The following NMT2 variants were observed in gnomAD, a reference collection of about 807,000 sequenced individuals.
The protein encoded by NMT2 is N-myristoyltransferase 2.
In NMT2, 35 loss-of-function variants were observed where a neutral mutation model predicts 65.4. That is an observed-to-expected ratio of 0.54 (90% CI 0.41 to 0.71). The LOEUF is 0.71. NMT2 is among the 30% of genes least tolerant of loss of function. The pLI is 0.00. For synonymous variants in NMT2, 226 were observed against 231.8 expected (o/e 0.98, Z 0.23); for missense variants, 489 against 611.3 (o/e 0.80, Z 2.11).
At position 15,106,524 on chromosome 10, in the gene NMT2, C is replaced by G. The variant is rs1845308158; in HGVS notation, c.*2671G>C. ...AATTAGGGTGGAACCATCTGAAATT[C>G]CAAGTCTTCCATTATCTCCAAGAGA... On this transcript the variant is annotated 3_prime_UTR_variant, in exon 12 of 12. Transcript: ENST00000378165. 4.8e-6 allele frequency: 2 copies of G among 415,704 alleles called. No homozygotes were observed. The highest frequency in any genetic ancestry group is 1.3e-4 in the Admixed American group (2 of 15,600). The allele number at this position is 415,704 out of a possible 1,614,324, so 25.8% of individuals were successfully genotyped here.
At chr10:15,153,875 G>A (rs1029383529) in intron 1 of NMT2, among the ~76,000 whole-genome samples, 1 of 151,938 alleles carries the variant, frequency 6.6e-6, no homozygotes, top group African/African-American at 2.4e-5. Context: ...GGATGGTCTC[G>A]ATCTCCTGAT....
chr10:15,112,202 A>ATATATATATT (rs1564557387), intron 10 of NMT2, among the ~76,000 whole-genome samples: 13 of 16,490 alleles, frequency 7.9e-4, no homozygotes, highest in African/African-American at 2.8e-4. Flanking sequence ...ATATATATAT[A>ATATATATATT]TATATATATA....
intron 1 of NMT2, among the ~76,000 whole-genome samples, chr10:15,143,588 G>A (rs1305992395): frequency 1.3e-5 from 2 of 152,206 alleles, no homozygotes; most frequent in African/African-American, 4.8e-5. Context: ...CAGGCATGGT[G>A]GCTCACGCCT....
chr10:15,135,252 A>G, intron 3 of NMT2, 22 bp downstream of exon 3: 1 of 1,612,758 alleles, frequency 6.2e-7, no homozygotes, highest in South Asian at 1.1e-5. Context: ...GGGGAAAAAA[A>G]GAGAAAAGCA....
chr10:15,146,375 T>C (rs1846965136), intron 1 of NMT2, among the ~76,000 whole-genome samples: 1 of 152,242 alleles, frequency 6.6e-6, no homozygotes, highest in African/African-American at 2.4e-5. Context: ...GTAAACGCTT[T>C]ACAGGTGGTC....
intron 3 of NMT2, 24 bp from the exon 4 acceptor site, chr10:15,133,387 A>C (rs1416627046): frequency 6.5e-7 from 1 of 1,536,618 alleles, no homozygotes. Context: ...GAAAGAGAAA[A>C]AAGAAAGGCA....
At chr10:15,129,442 C>G (rs1048386658) in intron 7 of NMT2, among the ~76,000 whole-genome samples, 1 of 152,082 alleles carries the variant, frequency 6.6e-6, no homozygotes, top group East Asian at 1.9e-4. Context: ...CTAGTGCAGA[C>G]GAAGTTGTAA....
intron 2 of NMT2, 190 bp downstream of exon 2, chr10:15,141,232 T>C (rs1249553594): frequency 1.1e-5 from 9 of 808,644 alleles, no homozygotes; most frequent in Non-Finnish European, 1.7e-5. Flanking sequence ...AAAAGCACAG[T>C]GTACCCCTTC....
chr10:15,115,456 C>T (rs1429106135), intron 9 of NMT2, among the ~76,000 whole-genome samples: 1 of 152,026 alleles, frequency 6.6e-6, no homozygotes, highest in Non-Finnish European at 1.5e-5. Context: ...TACAAATACA[C>T]CCAAAGGTAC....
rs1490780608 is a variant in NMT2 at position 15,108,163 on chromosome 10, A to G, written c.*1032T>C. The G allele has an allele frequency of 3.3e-5, 32 of 982,982 alleles. No homozygotes were observed. Among genetic ancestry groups the G allele is most frequent in the Non-Finnish European group, 3.9e-5 (32 of 829,396 alleles). The allele number at this position is 982,982 out of a possible 1,614,324, so 60.9% of individuals were successfully genotyped here. A position where few individuals can be genotyped will look rare whatever the true frequency, so the allele number is the denominator to read the frequency against. On this transcript the variant is annotated 3_prime_UTR_variant, in exon 12 of 12. Transcript: ENST00000378165. ...ACTTTGCACAACAGCAGAAAAGTCTAGTTAGTCGCGGGTACAGGCTCTTTC... is the reference window on the plus strand; with the variant it reads ...ACTTTGCACAACAGCAGAAAAGTCTGGTTAGTCGCGGGTACAGGCTCTTTC...
At chr10:15,113,088 C>G in intron 9 of NMT2, 125 bp from the exon 10 acceptor site, 1 of 1,052,246 alleles carries the variant, frequency 9.5e-7, no homozygotes, top group Non-Finnish European at 1.4e-6. Context: ...TCTTTCTCGG[C>G]AGTCCAATTT....
intron 1 of NMT2, among the ~76,000 whole-genome samples, chr10:15,146,178 C>T (rs1846957415): frequency 1.3e-5 from 2 of 152,138 alleles, no homozygotes; most frequent in Admixed American, 1.3e-4. Context: ...TCTGAAAGCC[C>T]GCACACTTCA....
rs1845399429 is a variant in NMT2 at position 15,108,631 on chromosome 10, A to G, written c.*564T>C. The G allele has an allele frequency of 1.0e-6, 1 of 987,684 alleles. No homozygotes were observed. The highest frequency in any genetic ancestry group is 4.7e-5 in the South Asian group (1 of 21,444). The allele number at this position is 987,684 out of a possible 1,614,324, so 61.2% of individuals were successfully genotyped here. ...TGGAGAAATACATGTACTAGTCACCAGTACATTTTAATATTGCTCTGCACT... is the reference window on the plus strand; with the variant it reads ...TGGAGAAATACATGTACTAGTCACCGGTACATTTTAATATTGCTCTGCACT... On this transcript the variant is annotated 3_prime_UTR_variant, in exon 12 of 12. Transcript: ENST00000378165.
At chr10:15,142,615 T>C (rs1421465189) in intron 1 of NMT2, among the ~76,000 whole-genome samples, 2 of 152,190 alleles carry the variant, frequency 1.3e-5, no homozygotes, top group African/African-American at 4.8e-5. Flanking sequence ...AATTCTAAAA[T>C]AGAAAACAGT....
chr10:15,150,971 A>G (rs1026844173), intron 1 of NMT2, among the ~76,000 whole-genome samples: 1 of 151,750 alleles, frequency 6.6e-6, no homozygotes, highest in South Asian at 2.1e-4. Context: ...CTCTTCTTAC[A>G]TATTGGGTTG....
intron 8 of NMT2, among the ~76,000 whole-genome samples, chr10:15,119,965 G>T (rs74125509): frequency 1.3e-5 from 2 of 152,134 alleles, no homozygotes; most frequent in Admixed American, 6.5e-5. Context: ...GCAGCCCTCC[G>T]TATCCACTGG....
chr10:15,162,919 T>A (rs1209959541), intron 1 of NMT2, among the ~76,000 whole-genome samples: 1 of 149,954 alleles, frequency 6.7e-6, no homozygotes, highest in Non-Finnish European at 1.5e-5. Flanking sequence ...TATATACATA[T>A]AAGAGAGAGA....
chr10:15,144,437 A>G (rs1846886168), intron 1 of NMT2, among the ~76,000 whole-genome samples: 1 of 152,206 alleles, frequency 6.6e-6, no homozygotes, highest in South Asian at 2.1e-4. Context: ...TTATAATCAA[A>G]AAGAAAAAGC....
At chr10:15,142,568 A>G (rs1406407950) in intron 1 of NMT2, among the ~76,000 whole-genome samples, 1 of 152,234 alleles carries the variant, frequency 6.6e-6, no homozygotes, top group Non-Finnish European at 1.5e-5. Flanking sequence ...AGAAAAAAGA[A>G]CTGAGCACTT....
Sources: gnomAD v4.1 joint callset for allele counts (sites outside exome capture counted in the v4.1 genomes callset) on GRCh38, gnomAD v4.1.1 for gene constraint, MANE v1.5 for transcripts, NCBI Gene and HGNC (gene_info 2026-07-23, HGNC 2026-07-21) for gene names.